The following DLG2 variants were observed in gnomAD, a reference collection of about 807,000 sequenced individuals.
DLG2 encodes disks large homolog 2.
A neutral mutation model predicts 132.5 loss-of-function variants in DLG2; 45 were observed. That is an observed-to-expected ratio of 0.34 (90% confidence interval 0.27 to 0.44). The LOEUF is 0.44. DLG2 is among the 20% of genes least tolerant of loss of function. The pLI, the probability that DLG2 is intolerant of heterozygous loss-of-function variation, is 1.00. For synonymous variants in DLG2, 424 were observed against 419.6 expected (o/e 1.01, Z -0.13); for missense variants, 1,045 against 1,196.9 (o/e 0.87, Z 1.87).
At chr11:85,205,895 G>C (rs1477802248) in intron 4 of DLG2, among the ~76,000 whole-genome samples, 1 of 152,100 alleles carries the variant, frequency 6.6e-6, no homozygotes, top group Non-Finnish European at 1.5e-5. Flanking sequence ...ATGTAACACA[G>C]AATACTTGCA....
chr11:83,972,938 C>T (rs961625519), intron 12 of DLG2, among the ~76,000 whole-genome samples: 1 of 152,048 alleles, frequency 6.6e-6, no homozygotes, highest in Non-Finnish European at 1.5e-5. Context: ...CTTCATTAAT[C>T]ATTAATTCAT....
intron 4 of DLG2, among the ~76,000 whole-genome samples, chr11:85,261,964 G>C (rs146704025): frequency 3.3e-5 from 5 of 152,256 alleles, no homozygotes; most frequent in African/African-American, 7.2e-5. Flanking sequence ...CAGCCAGTTG[G>C]GGTGAATGGG....
intron 18 of DLG2, among the ~76,000 whole-genome samples, chr11:83,705,239 T>C (rs770622080): frequency 2.0e-5 from 3 of 152,130 alleles, no homozygotes; most frequent in African/African-American, 7.2e-5. Context: ...AAATCTTCAA[T>C]GTAAAAAAAT....
chr11:83,932,617 A>T (rs1021513023), intron 14 of DLG2, among the ~76,000 whole-genome samples: 2 of 152,220 alleles, frequency 1.3e-5, no homozygotes, highest in Admixed American at 6.5e-5. Context: ...AGCACAGTAC[A>T]GTATACAGAA....
chr11:84,366,463 A>C (rs2098683122), intron 7 of DLG2, among the ~76,000 whole-genome samples: 1 of 152,078 alleles, frequency 6.6e-6, no homozygotes, highest in Non-Finnish European at 1.5e-5. Context: ...ACACATAACA[A>C]TATTAACTTA....
intron 3 of DLG2, among the ~76,000 whole-genome samples, chr11:85,439,071 AT>A (rs1303878304): frequency 6.6e-6 from 1 of 152,134 alleles, no homozygotes; most frequent in African/African-American, 2.4e-5. Flanking sequence ...TATACCACAG[AT>A]TGTTTAACTG....
chr11:84,347,656 C>T (rs142478487), intron 7 of DLG2, among the ~76,000 whole-genome samples: 1 of 152,252 alleles, frequency 6.6e-6, no homozygotes, highest in African/African-American at 2.4e-5. Context: ...TGATGCCTCC[C>T]CACAACCCAC....
intron 9 of DLG2, among the ~76,000 whole-genome samples, chr11:84,157,428 T>G (rs1426637403): frequency 1.3e-5 from 2 of 152,204 alleles, no homozygotes; most frequent in Non-Finnish European, 2.9e-5. Flanking sequence ...CCACTACTTT[T>G]TAAAAAAATT....
Position 85,312,667 on chromosome 11 carries a change from T to TA in DLG2, c.41-27303dup, listed in dbSNP as rs564379692. Among the ~76,000 whole-genome samples the TA allele has an allele frequency of 1.7e-3, 266 of 152,010 alleles. 1 individual carries two copies. The highest frequency in any genetic ancestry group is 6.2e-3 in the African/African-American group (258 of 41,552). On this transcript the variant is annotated intron_variant, in intron 3 of 27. Transcript: ENST00000376104. ...GGCAGATTTGTCTCCATTTACCTTT[T>TA]AAAAATACTTTCACTCACCTAGGAG...
At chr11:85,285,659 T>C (rs1361622442) in intron 3 of DLG2, among the ~76,000 whole-genome samples, 2 of 151,982 alleles carry the variant, frequency 1.3e-5, no homozygotes, top group Non-Finnish European at 2.9e-5. Context: ...GAATGAGCTA[T>C]CAAACAAAGC....
At chr11:84,750,725 A>G (rs1452308432) in intron 6 of DLG2, among the ~76,000 whole-genome samples, 1 of 152,124 alleles carries the variant, frequency 6.6e-6, no homozygotes, top group Admixed American at 6.5e-5. Context: ...CAATTACTTC[A>G]TATTGATACA....
At chr11:84,608,378 A>G (rs1489985159) in intron 6 of DLG2, among the ~76,000 whole-genome samples, 1 of 152,162 alleles carries the variant, frequency 6.6e-6, no homozygotes, top group Non-Finnish European at 1.5e-5. Flanking sequence ...AACAAGCTGC[A>G]CCACCTCCAG....
intron 15 of DLG2, among the ~76,000 whole-genome samples, chr11:83,892,242 G>A (rs2070144846): frequency 6.6e-6 from 1 of 152,170 alleles, no homozygotes. Context: ...TAAATGCAAT[G>A]CTTTCTAAGA....
intron 6 of DLG2, among the ~76,000 whole-genome samples, chr11:84,885,333 T>A (rs1474350235): frequency 6.6e-6 from 1 of 152,004 alleles, no homozygotes; most frequent in African/African-American, 2.4e-5. Context: ...AGGAAAGCAA[T>A]ACAGAATAAT....
intron 13 of DLG2, among the ~76,000 whole-genome samples, chr11:83,964,204 C>A (rs948952315): frequency 2.0e-5 from 3 of 151,080 alleles, no homozygotes; most frequent in African/African-American, 7.3e-5. Flanking sequence ...ACCTTATATG[C>A]CCTGCATGAA....
At chr11:83,997,916 G>C (rs896873507) in intron 11 of DLG2, among the ~76,000 whole-genome samples, 2 of 151,368 alleles carry the variant, frequency 1.3e-5, no homozygotes, top group African/African-American at 4.9e-5. Flanking sequence ...TGGATCACTT[G>C]AGGTCAGGAG....
In DLG2 at chr11:84,732,406, T is replaced by C. The variant is rs910797713; in HGVS notation, c.358-197675A>G. On this transcript the variant is annotated intron_variant, in intron 6 of 27. Coordinates refer to ENST00000376104, the MANE Select transcript of DLG2 (RefSeq NM_001142699.3). ...AGCAATGTATGAGAATTCTAGATCC[T>C]TCACATCTTCACCATCACCTGGTAT... Among the ~76,000 whole-genome samples, 12 of 152,154 alleles carry C rather than the reference T, an allele frequency of 7.9e-5. No individual in the cohort carries two copies. In the South Asian group the frequency reaches 2.5e-3, roughly 32 times the overall value.
At chr11:84,604,723 G>C (rs1451405683) in intron 6 of DLG2, among the ~76,000 whole-genome samples, 1 of 151,972 alleles carries the variant, frequency 6.6e-6, no homozygotes, top group Non-Finnish European at 1.5e-5. Flanking sequence ...ATATTAAAAG[G>C]TCTCTCAGAG....
At chr11:84,750,293 C>G (rs1165040479) in intron 6 of DLG2, among the ~76,000 whole-genome samples, 1 of 152,006 alleles carries the variant, frequency 6.6e-6, no homozygotes, top group Non-Finnish European at 1.5e-5. Context: ...CATCCATGAG[C>G]TCTTCTTCCT....
Sources: gnomAD v4.1 joint callset for allele counts (sites outside exome capture counted in the v4.1 genomes callset) on GRCh38, gnomAD v4.1.1 for gene constraint, MANE v1.5 for transcripts, NCBI Gene and HGNC (gene_info 2026-07-23, HGNC 2026-07-21) for gene names.